CFAP74: variants seen among roughly 807,000 people sequenced by gnomAD.
The protein encoded by CFAP74 is cilia- and flagella-associated protein 74.
CFAP74 carries 124 observed loss-of-function variants against 188.9 expected under a neutral mutation model. That is an observed-to-expected ratio of 0.66 (90% CI 0.57 to 0.76). The LOEUF is 0.76. Ranked by LOEUF, CFAP74 falls within the 30% of genes least tolerant of loss-of-function variation. CFAP74 has a pLI of 0.00. For synonymous variants in CFAP74, 956 were observed against 916.7 expected (o/e 1.04, Z -0.77); for missense variants, 2,198 against 2,165.2 (o/e 1.02, Z -0.30).
chr1:1,947,011 C>T lies in CFAP74; in HGVS notation c.2220G>A (p.Gln740=). Residue 740 remains glutamine, a synonymous_variant, in exon 19 of 39, where the codon CAG becomes CAA. Coordinates refer to ENST00000682832, the MANE Select transcript of CFAP74 (RefSeq NM_001304360.2). ...LTTVIPPSEE[Q]TEITLGEVTE... The stretch of plus-strand genomic sequence containing the variant: ...TGACCTCCCCCAGCGTGATCTCCGT[C>T]TGCTCTTCGCTGGGAGGTATCACTG... 6.5e-7 allele frequency: 1 copy of T among 1,536,106 alleles called. No homozygotes were observed. Among genetic ancestry groups the T allele is most frequent in the Non-Finnish European group, 8.7e-7 (1 of 1,146,846 alleles).
Position 1,965,048 on chromosome 1 carries a change from T to A in CFAP74, c.1415A>T (p.Asp472Val), listed in dbSNP as rs201173699. The A allele has an allele frequency of 3.5e-5, 56 of 1,612,768 alleles. No homozygotes were observed. The highest frequency in any genetic ancestry group is 4.5e-5 in the Non-Finnish European group (53 of 1,179,336). Residue 472 changes from aspartate to valine, a missense_variant, in exon 13 of 39, where the codon GAC becomes GTC. By Grantham distance (152) the Asp-to-Val change is radical (BLOSUM62 -3). Transcript: ENST00000682832. ...DYKPYQVPKE[D>V]VDRKPVGGTK... is the part of the protein sequence containing the mutation. ...CCCGCCCACGGGCTTTCGGTCCACG[T>A]CCTCCTTGGGCACCTGGGGGTCACA...
chr1:1,955,541 A>G, intron 18 of CFAP74, 150 bp downstream of exon 18: 1 of 1,610,930 alleles, frequency 6.2e-7, no homozygotes, highest in Non-Finnish European at 8.5e-7. Flanking sequence ...GCACATAAGA[A>G]TATTTTCTTG....
At chr1:1,996,316 A>G (rs1216884048) in intron 1 of CFAP74, among the ~76,000 whole-genome samples, 1 of 152,194 alleles carries the variant, frequency 6.6e-6, no homozygotes, top group Non-Finnish European at 1.5e-5. Context: ...AGAGACGTCT[A>G]AAACACAAGC....
intron 17 of CFAP74, 27 bp from the exon 18 acceptor site, chr1:1,955,877 T>C (rs1654584449): frequency 6.3e-7 from 1 of 1,591,822 alleles, no homozygotes; most frequent in Admixed American, 1.7e-5. Context: ...ACATCCTGGC[T>C]TGGGAGGTTT....
intron 15 of CFAP74, among the ~76,000 whole-genome samples, 159 bp downstream of exon 15, chr1:1,959,805 G>A (rs973813879): frequency 2.0e-5 from 3 of 152,210 alleles, no homozygotes; most frequent in African/African-American, 7.2e-5. Context: ...TATGTTGAGT[G>A]TATTTTTGGA....
intron 14 of CFAP74, chr1:1,960,241 G>C (rs1654986907): frequency 1.8e-6 from 1 of 565,318 alleles, no homozygotes; most frequent in Non-Finnish European, 3.1e-6. Context: ...GCTCCAGTGT[G>C]TGCGAACGTT....
chr1:1,993,936 C>T (rs1030534924), intron 1 of CFAP74, among the ~76,000 whole-genome samples: 2 of 150,050 alleles, frequency 1.3e-5, no homozygotes, highest in South Asian at 2.1e-4. Flanking sequence ...GAGCCGAGAT[C>T]ACACCACTGC....
intron 5 of CFAP74, among the ~76,000 whole-genome samples, chr1:1,985,983 C>T (rs1333587378): frequency 1.3e-5 from 2 of 152,238 alleles, no homozygotes; most frequent in East Asian, 3.8e-4. Context: ...TGATGCTGGC[C>T]AGAGGTCCCG....
chr1:1,960,799 G>A (rs1254413564), intron 14 of CFAP74, among the ~76,000 whole-genome samples: 1 of 152,224 alleles, frequency 6.6e-6, no homozygotes, highest in Non-Finnish European at 1.5e-5. Context: ...GAGCTGCCGG[G>A]GAGAGGAGCA....
At position 1,988,578 on chromosome 1, in the gene CFAP74, A is replaced by G; in HGVS notation, c.230T>C (p.Leu77Pro). The G allele has an allele frequency of 6.2e-7, 1 of 1,613,454 alleles. No homozygotes were observed. Among genetic ancestry groups the G allele is most frequent in the Non-Finnish European group, 8.5e-7 (1 of 1,180,018 alleles). Residue 77 changes from leucine (L) to proline (P), a missense_variant, in exon 4 of 39, where the codon CTG becomes CCG. By Grantham distance (98) the Leu-to-Pro change is moderately conservative (BLOSUM62 -3). Coordinates refer to ENST00000682832, the MANE Select transcript of CFAP74 (RefSeq NM_001304360.2). ...ATCCAGGGCGCTCAGGTTCTGCCGCAGGTGAAATGCCTGCGTTCTGTCCTC... is the reference window on the plus strand; with the variant it reads ...ATCCAGGGCGCTCAGGTTCTGCCGCGGGTGAAATGCCTGCGTTCTGTCCTC... Reference protein sequence around the residue: ...TAEDRTQAFHLRQNLSALDKM... With the variant: ...TAEDRTQAFHPRQNLSALDKM...
At chr1:1,961,811 A>G (rs1350097835) in intron 14 of CFAP74, among the ~76,000 whole-genome samples, 1 of 152,250 alleles carries the variant, frequency 6.6e-6, no homozygotes, top group Non-Finnish European at 1.5e-5. Context: ...GACGGGAACA[A>G]AGACCCTAAG....
In CFAP74 at chr1:1,942,719, G is replaced by A. The variant is rs1424396552; in HGVS notation, c.2487-563C>T. Among the ~76,000 whole-genome samples the A allele has an allele frequency of 1.3e-5, 2 of 152,132 alleles. No individual in the cohort carries two copies. Among genetic ancestry groups the A allele is most frequent in the Admixed American group, 6.5e-5 (1 of 15,280 alleles). ...CTACCTCCGGCTCCCTTAAGCCAAC[G>A]GCCTCCTCAGGACCACCTGGAGCCT... is the stretch of plus-strand genomic sequence containing the variant. On this transcript the variant is annotated intron_variant, in intron 21 of 38. Transcript: ENST00000682832. The surrounding 1 kb of genome is among the most constrained non-coding windows in gnomAD (Gnocchi z 4.3).
At chr1:1,970,628 C>T in intron 10 of CFAP74, 31 bp downstream of exon 10, 1 of 1,580,516 alleles carries the variant, frequency 6.3e-7, no homozygotes, top group Non-Finnish European at 8.6e-7. Context: ...GGGCGGGTGC[C>T]TCCCGGTGGC....
At chr1:1,998,957 T>G (rs1658065092) in intron 1 of CFAP74, among the ~76,000 whole-genome samples, 1 of 151,980 alleles carries the variant, frequency 6.6e-6, no homozygotes, top group Non-Finnish European at 1.5e-5. Flanking sequence ...CACTACAAAC[T>G]CAATGTTGTC....
chr1:1,967,815 G>A (rs1406171097), intron 11 of CFAP74, among the ~76,000 whole-genome samples: 1 of 152,188 alleles, frequency 6.6e-6, no homozygotes. Context: ...AGGTAAACTA[G>A]AAATACATTC....
intron 14 of CFAP74, among the ~76,000 whole-genome samples, chr1:1,961,402 A>G (rs1655080719): frequency 6.6e-6 from 1 of 152,222 alleles, no homozygotes; most frequent in Admixed American, 6.5e-5. Context: ...AAAGCCAGGT[A>G]TCCTCCAAAA....
chr1:1,958,213 G>A (rs1273786118), intron 16 of CFAP74, among the ~76,000 whole-genome samples: 5 of 152,370 alleles, frequency 3.3e-5, no homozygotes, highest in East Asian at 3.9e-4. Flanking sequence ...CCATGAGGGC[G>A]TCTGCTGATC....
rs1469372756 is a variant in CFAP74 at position 1,956,654 on chromosome 1, C to T, written c.1982G>A (p.Cys661Tyr). The change falls in exon 17 of 39, where the codon TGT becomes TAT. Residue 661 changes from cysteine (C) to tyrosine (Y), a missense_variant. Coordinates refer to ENST00000682832, the MANE Select transcript of CFAP74 (RefSeq NM_001304360.2). ...GGCAGACTGGGAGTCGTCCATCTCACAGGGCTCTGAAGCTGGCAGGAACTT... is the reference window on the plus strand; with the variant it reads ...GGCAGACTGGGAGTCGTCCATCTCATAGGGCTCTGAAGCTGGCAGGAACTT... ...TFKFLPASEPCEMDDSQSALK... is the reference protein window; with the variant it reads ...TFKFLPASEPYEMDDSQSALK... 1 of 1,614,200 alleles carries T rather than the reference C, an allele frequency of 6.2e-7. No individual in the cohort carries two copies. Among genetic ancestry groups the T allele is most frequent in the Non-Finnish European group, 8.5e-7 (1 of 1,180,032 alleles).
Position 1,959,198 on chromosome 1 carries a change from A to G in CFAP74, c.1773T>C (p.Asp591=). 1 of 1,605,176 alleles carries G rather than the reference A, an allele frequency of 6.2e-7. No individual in the cohort carries two copies. The highest frequency in any genetic ancestry group is 8.5e-7 in the Non-Finnish European group (1 of 1,172,244). ...CCAAAAATGAGATATTTCCTTCTAGATCCTTGTTTATCTAAAACATAAAAC... is the reference window on the plus strand; with the variant it reads ...CCAAAAATGAGATATTTCCTTCTAGGTCCTTGTTTATCTAAAACATAAAAC... The part of the protein sequence containing the change: ...LVTFKPMINK[D]LEGNISFLAQ... Residue 591 remains aspartate, a synonymous_variant, in exon 16 of 39, where the codon GAT becomes GAC. Transcript: ENST00000682832.
Sources: allele counts gnomAD v4.1 joint callset (sites outside exome capture counted in the v4.1 genomes callset), GRCh38; gene constraint gnomAD v4.1.1; non-coding constraint Gnocchi (gnomAD v3.1); transcripts MANE v1.5; gene names NCBI Gene and HGNC (gene_info 2026-07-23, HGNC 2026-07-21).